The following PELP1 variants were observed in gnomAD, a reference collection of about 807,000 sequenced individuals.
PELP1 encodes the protein proline-, glutamic acid- and leucine-rich protein 1.
A neutral mutation model predicts 95.5 loss-of-function variants in PELP1; 32 were observed. The observed-to-expected ratio is 0.34, with a 90% confidence interval of 0.25 to 0.45. The LOEUF (loss-of-function observed/expected upper bound fraction) is 0.45, where lower values mean the gene tolerates loss of function less well. Ranked by LOEUF, PELP1 falls within the 20% of genes least tolerant of loss-of-function variation. The probability of loss-of-function intolerance (pLI) is 1.00; values close to 1 mark genes in which losing one functional copy is unlikely to be tolerated. For missense variants in PELP1, 1,358 were observed against 1,444.8 expected, an observed-to-expected ratio of 0.94 and a Z score of 0.97; for synonymous variants, 668 against 600.1, an observed-to-expected ratio of 1.11 and a Z score of -1.65.
At chr17:4,682,650 A>T in intron 4 of PELP1, 77 bp from the exon 5 acceptor site, 1 of 1,442,306 alleles carries the variant, frequency 6.9e-7, no homozygotes, top group Non-Finnish European at 9.7e-7. Context: ...AGCACCCCAC[A>T]AGGGCCCTTC....
intron 1 of PELP1, among the ~76,000 whole-genome samples, chr17:4,692,335 C>T (rs925584042): frequency 1.3e-5 from 2 of 151,616 alleles, no homozygotes; most frequent in African/African-American, 4.8e-5. Flanking sequence ...GGCATGGTGG[C>T]GGGCACCTGT....
In PELP1 at chr17:4,676,142, G is replaced by C; in HGVS notation, c.874C>G (p.Pro292Ala). ...AETAPVQNEG[P>A]GVEMLLSSED... The stretch of plus-strand genomic sequence containing the variant: ...GAGGACAGCAGCATCTCCACCCCAG[G>C]GCCTTCATTCTGCACAGGAGCTGGC... Residue 292 changes from proline (P) to alanine (A), a missense_variant, in exon 8 of 17, where the codon CCT becomes GCT. Around this residue, in one of 7 missense-constraint regions of PELP1, gnomAD observed 538 missense variants for 628.1 expected, o/e 0.86. Coordinates refer to ENST00000572293, the MANE Select transcript of PELP1 (RefSeq NM_014389.3). 1.2e-6 allele frequency: 2 copies of C among 1,613,848 alleles called. No individual in the cohort carries two copies. Among genetic ancestry groups the C allele is most frequent in the Non-Finnish European group, 8.5e-7 (1 of 1,179,856 alleles).
intron 3 of PELP1, among the ~76,000 whole-genome samples, chr17:4,684,243 T>C (rs1436715360): frequency 6.6e-6 from 1 of 152,134 alleles, no homozygotes; most frequent in Non-Finnish European, 1.5e-5. Flanking sequence ...CAGGCCCTCA[T>C]CCCTGTCCAG....
intron 5 of PELP1, among the ~76,000 whole-genome samples, chr17:4,678,740 A>AGTCTCT (rs2150555963): frequency 6.6e-6 from 1 of 152,324 alleles, no homozygotes; most frequent in South Asian, 2.1e-4. Context: ...AGTGAGTTCA[A>AGTCTCT]GTCTCTGCAG....
rs2150554600 is a variant in PELP1, at chr17:4,676,038, G to A, written c.978C>T (p.Leu326=). 1 of 1,613,770 alleles carries A rather than the reference G, an allele frequency of 6.2e-7. No individual in the cohort carries two copies. Among genetic ancestry groups the A allele is most frequent in the Non-Finnish European group, 8.5e-7 (1 of 1,179,812 alleles). Reference sequence around the variant, plus strand: ...CTCCCTCCAATACCCACACACACCTGAGCATGAGCCCTAGGCAGCGGGCCA... The same window carrying A: ...CTCCCTCCAATACCCACACACACCTAAGCATGAGCCCTAGGCAGCGGGCCA... ...SGLARCLGLM[L]SSEFGAPVSV... Residue 326 remains leucine, a splice_region_variant and synonymous_variant, in exon 8 of 17, where the codon CTC becomes CTT. Coordinates refer to ENST00000572293, the MANE Select transcript of PELP1 (RefSeq NM_014389.3).
intron 3 of PELP1, 134 bp from the exon 4 acceptor site, chr17:4,683,086 GA>G: frequency 7.5e-7 from 1 of 1,330,798 alleles, no homozygotes; most frequent in Admixed American, 3.7e-5. Context: ...CTACCTGGCA[GA>G]AAAGAGGGTG....
intron 1 of PELP1, among the ~76,000 whole-genome samples, chr17:4,695,879 C>A (rs1274953246): frequency 6.6e-6 from 1 of 151,470 alleles, no homozygotes; most frequent in Non-Finnish European, 1.5e-5. Flanking sequence ...ATTGGTCAGG[C>A]TGGTCTCCAA....
intron 1 of PELP1, among the ~76,000 whole-genome samples, chr17:4,696,256 C>T (rs1338240568): frequency 6.6e-6 from 1 of 152,076 alleles, no homozygotes; most frequent in Non-Finnish European, 1.5e-5. Flanking sequence ...TGCTTGACCC[C>T]GGGAGGTCAA....
intron 1 of PELP1, among the ~76,000 whole-genome samples, chr17:4,701,793 CAATA>C (rs1231675910): frequency 2.0e-5 from 3 of 152,138 alleles, no homozygotes; most frequent in African/African-American, 7.2e-5. Flanking sequence ...AACAGATACT[CAATA>C]AATGTTTGTT....
At position 4,675,540 on chromosome 17, in the gene PELP1, A is replaced by G. The variant is rs1912427429; in HGVS notation, c.1069-178T>C. ...CTAAAATAGACCCTGGATGGAAGGT[A>G]AGAAGGATGGCTGGGCCTCTCAGCA... On this transcript the variant is annotated intron_variant, in intron 9 of 16. Coordinates refer to ENST00000572293, the MANE Select transcript of PELP1 (RefSeq NM_014389.3). The surrounding 1 kb of genome is among the most constrained non-coding windows in gnomAD (Gnocchi z 4.3). The G allele has an allele frequency of 1.4e-6, 1 of 709,584 alleles. No individual in the cohort carries two copies. 44.0% of individuals were successfully genotyped at this position (709,584 alleles called of 1,614,324 possible).
intron 3 of PELP1, among the ~76,000 whole-genome samples, chr17:4,684,460 TC>T (rs1318099968): frequency 3.3e-5 from 5 of 152,118 alleles, no homozygotes; most frequent in African/African-American, 1.2e-4. Context: ...CGCTTCCCAC[TC>T]CCAAACTTCG....
Position 4,672,693 on chromosome 17 carries a change from G to A in PELP1, c.2298C>T (p.Val766=). The A allele has an allele frequency of 1.9e-6, 3 of 1,613,408 alleles. No homozygotes were observed. The highest frequency in any genetic ancestry group is 2.5e-6 in the Non-Finnish European group (3 of 1,179,678). ...FGGRVPRPAF[V]HYDKEEASDV... ...CAGATGCCTCCTCCTTGTCATAGTG[G>A]ACAAAGGCTGGTCTGGGCACTCTCC... Residue 766 remains valine (V), a synonymous_variant, in exon 16 of 17, where the codon GTC becomes GTT. Transcript: ENST00000572293.
In PELP1 at chr17:4,676,082, G is replaced by A. The variant is rs773371029; in HGVS notation, c.934C>T (p.Arg312Trp). The A allele has an allele frequency of 2.1e-5, 34 of 1,613,840 alleles. No homozygotes were observed. The highest frequency in any genetic ancestry group is 1.6e-4 in the Middle Eastern group (1 of 6,084). Residue 312 changes from arginine to tryptophan, a missense_variant, in exon 8 of 17, where the codon CGG becomes TGG. Arg to Trp is a moderately radical substitution (Grantham distance 101). Transcript: ENST00000572293. Reference sequence around the variant, plus strand: ...CGGGCCAGTCCCGAAAACCTCTGCCGAAGCTGGAGAAGGACATGGGCATCA... The same window carrying A: ...CGGGCCAGTCCCGAAAACCTCTGCCAAAGCTGGAGAAGGACATGGGCATCA... ...DGDAHVLLQL[R>W]QRFSGLARCL...
intron 3 of PELP1, among the ~76,000 whole-genome samples, chr17:4,688,822 T>C (rs2150561722): frequency 6.6e-6 from 1 of 152,306 alleles, no homozygotes; most frequent in African/African-American, 2.4e-5. Context: ...ACCACCATCA[T>C]TCTTCACAGA....
intron 1 of PELP1, among the ~76,000 whole-genome samples, chr17:4,697,982 C>G (rs895113754): frequency 6.7e-6 from 1 of 148,822 alleles, no homozygotes; most frequent in African/African-American, 2.5e-5. Flanking sequence ...TGTGATGCAC[C>G]AAGAATGACA....
In PELP1 at chr17:4,675,030, C is replaced by A. The variant is rs562759906; in HGVS notation, c.1274+49G>T. On this transcript the variant is annotated intron_variant, in intron 11 of 16. Transcript: ENST00000572293. This position sits in a 1 kb window ranked among gnomAD's most constrained non-coding sequence, Gnocchi z 4.3. ...AGAAGCCCCAGCCCACCTGCACCCC[C>A]TCACCCCCCTCTCCTCTTTATTCCC... 2 of 1,607,848 alleles carry A rather than the reference C, an allele frequency of 1.2e-6. No homozygotes were observed.
chr17:4,677,490 A>C (rs73973357), intron 5 of PELP1, among the ~76,000 whole-genome samples: 1,981 of 152,366 alleles, frequency 0.013, 39 homozygotes, highest in African/African-American at 0.043. Flanking sequence ...TAGTATCAGC[A>C]GTACCTGTGA....
At chr17:4,684,040 G>A (rs1450126314) in intron 3 of PELP1, among the ~76,000 whole-genome samples, 1 of 151,836 alleles carries the variant, frequency 6.6e-6, no homozygotes, top group Non-Finnish European at 1.5e-5. Flanking sequence ...CTTCGAGGTT[G>A]TTGCTAACTG....
At chr17:4,691,754 A>G (rs1691990061) in intron 1 of PELP1, 1 of 354,088 alleles carries the variant, frequency 2.8e-6, no homozygotes, top group Non-Finnish European at 5.2e-6. Flanking sequence ...CTTCACCTCT[A>G]TATGTCTGGG....
Sources: gnomAD v4.1 joint callset for allele counts (sites outside exome capture counted in the v4.1 genomes callset) on GRCh38, gnomAD v4.1.1 for gene constraint, gnomAD v4.1.1 regional missense constraint, Gnocchi (gnomAD v3.1) non-coding constraint, MANE v1.5 for transcripts, NCBI Gene and HGNC (gene_info 2026-07-23, HGNC 2026-07-21) for gene names.